Variants in VAV1 observed in about 807,000 individuals in gnomAD.
The protein encoded by VAV1 is proto-oncogene vav.
Under a neutral mutation model 128.1 loss-of-function variants are expected in VAV1, and 33 were observed. The observed-to-expected ratio is 0.26, with a 90% CI of 0.20 to 0.34. VAV1 has a LOEUF of 0.34. Ranked by LOEUF, VAV1 falls within the 10% of genes least tolerant of loss-of-function variation. The pLI is 1.00. For missense variants in VAV1, 715 were observed against 1,093.7 expected (o/e 0.65, Z 4.88); for synonymous variants, 394 against 409.8 (o/e 0.96, Z 0.47).
intron 1 of VAV1, among the ~76,000 whole-genome samples, chr19:6,776,284 TCATCCATCCATCCATCCATC>T (rs59236244): frequency 1.4e-4 from 14 of 100,798 alleles, no homozygotes; most frequent in East Asian, 3.4e-4. Flanking sequence ...ATCTATCCAC[TCATCCATCCATCCATCCATC>T]CATCCATCCA....
rs745830320 is a variant in VAV1, at chr19:6,850,677, G to A, written c.2137G>A (p.Val713Ile). ...GTGACCATCTGGTTCCAGATATAACGTCGAGGTCAAGCACATTAAAATCAT... is the reference window on the plus strand; with the variant it reads ...GTGACCATCTGGTTCCAGATATAACATCGAGGTCAAGCACATTAAAATCAT... Reference protein sequence around the residue: ...AEFAISIKYNVEVKHIKIMTA... With the variant: ...AEFAISIKYNIEVKHIKIMTA... The change falls in exon 24 of 27, where the codon GTC becomes ATC. Residue 713 changes from valine (V) to isoleucine (I), a missense_variant. Around this residue, in one of 3 missense-constraint regions of VAV1, gnomAD observed 407 missense variants for 580.6 expected, o/e 0.70. Coordinates refer to ENST00000602142, the MANE Select transcript of VAV1 (RefSeq NM_005428.4). The A allele has an allele frequency of 3.3e-5, 54 of 1,613,884 alleles. No individual in the cohort carries two copies. The highest frequency in any genetic ancestry group is 8.9e-5 in the East Asian group (4 of 44,880).
chr19:6,853,027 C>G lies in VAV1; in HGVS notation c.2280C>G (p.Thr760=), dbSNP rs984706722. 6 of 1,611,848 alleles carry G rather than the reference C, an allele frequency of 3.7e-6. No individual in the cohort carries two copies. The highest frequency in any genetic ancestry group is 5.1e-6 in the Non-Finnish European group (6 of 1,178,670). The change falls in exon 25 of 27, where the codon ACC becomes ACG. Residue 760 remains threonine (T), a synonymous_variant. Coordinates refer to ENST00000602142, the MANE Select transcript of VAV1 (RefSeq NM_005428.4). The part of the protein sequence containing the change: ...LKDCFKSLDT[T]LQFPFKEPEK... ...ATTGCTTCAAGTCTCTGGACACCAC[C>G]TTGCAGTTCCCCTTCAAGGAGCCTG...
intron 1 of VAV1, among the ~76,000 whole-genome samples, chr19:6,819,422 C>G (rs1234061118): frequency 6.6e-6 from 1 of 152,168 alleles, no homozygotes; most frequent in Non-Finnish European, 1.5e-5. Context: ...CTTCTAGTCT[C>G]AGAACTATCT....
Position 6,826,873 on chromosome 19 carries a change from A to G in VAV1, c.927+162A>G, listed in dbSNP as rs772422503. 1.1e-4 allele frequency: 73 copies of G among 637,864 alleles called. No homozygotes were observed. Among genetic ancestry groups the G allele is most frequent in the Non-Finnish European group, 1.8e-4 (64 of 359,856 alleles). The allele number at this position is 637,864 out of a possible 1,614,324, so 39.5% of individuals were successfully genotyped here. On this transcript the variant is annotated intron_variant, in intron 9 of 26. Coordinates refer to ENST00000602142, the MANE Select transcript of VAV1 (RefSeq NM_005428.4). This position sits in a 1 kb window ranked among gnomAD's most constrained non-coding sequence, Gnocchi z 4.1. ...AGGTACTAGCCAGCCAAGCAGAGGAAATGGAGAAGAACAGAAATGGGCTGG... is the reference window on the plus strand; with the variant it reads ...AGGTACTAGCCAGCCAAGCAGAGGAGATGGAGAAGAACAGAAATGGGCTGG...
At chr19:6,796,023 C>A (rs1043564635) in intron 1 of VAV1, among the ~76,000 whole-genome samples, 10 of 152,130 alleles carry the variant, frequency 6.6e-5, no homozygotes, top group Admixed American at 3.3e-4. Context: ...TTTCTTGTGA[C>A]CGTCTCTGCC....
chr19:6,832,031 G>A, intron 14 of VAV1, 60 bp from the exon 15 acceptor site: 2 of 1,472,024 alleles, frequency 1.4e-6, no homozygotes, highest in East Asian at 2.3e-5. Context: ...GGGTGGGTGG[G>A]TGTGTGCTCC....
intron 26 of VAV1, among the ~76,000 whole-genome samples, chr19:6,856,649 G>A (rs1221457243): frequency 2.6e-5 from 4 of 151,000 alleles, no homozygotes; most frequent in Admixed American, 6.6e-5. Flanking sequence ...ACTTGAACCC[G>A]GGAGGTGGAG....
rs1568299213 is a variant in VAV1, at chr19:6,814,675, T to TTTCTTTCTTTCTTTCTTC, written c.205-6027_205-6026insTTCTTTCTTTCTTTCTTC. Among the ~76,000 whole-genome samples the TTTCTTTCTTTCTTTCTTC allele has an allele frequency of 2.6e-5, 2 of 77,150 alleles. 1 individual carries two copies. Among genetic ancestry groups the TTTCTTTCTTTCTTTCTTC allele is most frequent in the African/African-American group, 1.6e-4 (2 of 12,630 alleles). The allele number at this position is 77,150 out of a possible 152,430, so 50.6% of individuals were successfully genotyped here. A position where few individuals can be genotyped will look rare whatever the true frequency, so the allele number is the denominator to read the frequency against. ...TCCTTCCTTCCTTCCTTCCTTCCTT[T>TTTCTTTCTTTCTTTCTTC]CTTTCTTTCTTTCTTTCTTTCTTTC... is the stretch of plus-strand genomic sequence containing the variant. On this transcript the variant is annotated intron_variant, in intron 1 of 26. Transcript: ENST00000602142.
At chr19:6,781,591 T>G (rs997024260) in intron 1 of VAV1, among the ~76,000 whole-genome samples, 1 of 151,366 alleles carries the variant, frequency 6.6e-6, no homozygotes. Context: ...CTAGAACTAC[T>G]GACCTTTTCT....
At chr19:6,798,666 C>T (rs944654963) in intron 1 of VAV1, among the ~76,000 whole-genome samples, 13 of 151,590 alleles carry the variant, frequency 8.6e-5, no homozygotes, top group African/African-American at 1.2e-4. Flanking sequence ...CCTTCCCCCC[C>T]CCACCCAAAA....
chr19:6,787,928 T>G (rs1970930163), intron 1 of VAV1, among the ~76,000 whole-genome samples: 1 of 151,680 alleles, frequency 6.6e-6, no homozygotes, highest in Non-Finnish European at 1.5e-5. Context: ...ATACAAAAAA[T>G]TAGCCGGGTG....
chr19:6,791,531 A>G (rs144153581), intron 1 of VAV1, among the ~76,000 whole-genome samples: 1 of 152,224 alleles, frequency 6.6e-6, no homozygotes, highest in East Asian at 1.9e-4. Context: ...TCCTTGAGCT[A>G]TGTCCTCATC....
chr19:6,829,496 G>A (rs1404574254), intron 13 of VAV1, among the ~76,000 whole-genome samples: 2 of 152,158 alleles, frequency 1.3e-5, no homozygotes, highest in African/African-American at 4.8e-5. Flanking sequence ...GAGTGGGGGT[G>A]AGGCAAGATT....
intron 1 of VAV1, among the ~76,000 whole-genome samples, chr19:6,785,292 C>T (rs1017440592): frequency 2.6e-5 from 4 of 152,110 alleles, no homozygotes; most frequent in African/African-American, 7.2e-5. Context: ...TCGCCTCTGC[C>T]TCCCAAAGTG....
intron 1 of VAV1, among the ~76,000 whole-genome samples, chr19:6,790,251 A>G (rs1054930545): frequency 1.3e-5 from 2 of 152,182 alleles, no homozygotes; most frequent in African/African-American, 4.8e-5. Flanking sequence ...TTATTTTATC[A>G]TCAGTGATAA....
chr19:6,805,027 C>G (rs969448709), intron 1 of VAV1, among the ~76,000 whole-genome samples: 1 of 151,906 alleles, frequency 6.6e-6, no homozygotes, highest in African/African-American at 2.4e-5. Flanking sequence ...CACCGCCCCC[C>G]GGCCCATACC....
At chr19:6,815,673 G>C (rs146773724) in intron 1 of VAV1, among the ~76,000 whole-genome samples, 4 of 152,304 alleles carry the variant, frequency 2.6e-5, no homozygotes, top group Non-Finnish European at 5.9e-5. Context: ...TAATGGTTAC[G>C]CACAGGCTTG....
intron 15 of VAV1, 128 bp downstream of exon 15, chr19:6,832,328 G>C: frequency 1.2e-6 from 1 of 863,838 alleles, no homozygotes; most frequent in South Asian, 1.7e-5. Flanking sequence ...CTCTTCATTT[G>C]GGAAATAAGA....
chr19:6,854,210 C>A, intron 26 of VAV1, 112 bp downstream of exon 26: 1 of 1,402,886 alleles, frequency 7.1e-7, no homozygotes, highest in Non-Finnish European at 9.6e-7. Context: ...GGAGATCTCT[C>A]ACGGTGGGAG....
Sources: allele counts gnomAD v4.1 joint callset (sites outside exome capture counted in the v4.1 genomes callset), GRCh38; gene constraint gnomAD v4.1.1; regional missense constraint gnomAD v4.1.1; non-coding constraint Gnocchi (gnomAD v3.1); transcripts MANE v1.5; gene names NCBI Gene and HGNC (gene_info 2026-07-23, HGNC 2026-07-21).